SCAMP1: variants seen among roughly 807,000 people sequenced by gnomAD.
SCAMP1 encodes secretory carrier membrane protein 1, also known as secretory carrier-associated membrane protein 1.
A neutral mutation model predicts 41.8 loss-of-function variants in SCAMP1; 15 were observed. The ratio of observed to expected loss-of-function variants is 0.36; its 90% CI spans 0.24 to 0.55. SCAMP1 has a LOEUF of 0.55. SCAMP1 is among the 20% of genes least tolerant of loss of function. The pLI, the probability that SCAMP1 is intolerant of heterozygous loss-of-function variation, is 0.86. For missense variants in SCAMP1, 341 were observed against 412.6 expected, an observed-to-expected ratio of 0.83 and a Z score of 1.50; for synonymous variants, 135 against 136.8, an observed-to-expected ratio of 0.99 and a Z score of 0.09.
At chr5:78,419,590 C>G (rs1038462709) in intron 5 of SCAMP1, among the ~76,000 whole-genome samples, 2 of 152,238 alleles carry the variant, frequency 1.3e-5, no homozygotes, top group Middle Eastern at 3.4e-3. Context: ...TTATTCCAAA[C>G]AGTAGTCTCA....
chr5:78,472,605 A>T (rs915464287), intron 8 of SCAMP1, among the ~76,000 whole-genome samples: 1 of 152,044 alleles, frequency 6.6e-6, no homozygotes, highest in African/African-American at 2.4e-5. Context: ...CATGGATATA[A>T]TGGATTTAAT....
At position 78,421,760 on chromosome 5, in the gene SCAMP1, T is replaced by A. The variant is rs775236094; in HGVS notation, c.473-41T>A. 24 of 1,546,072 alleles carry A rather than the reference T, an allele frequency of 1.6e-5. No individual in the cohort carries two copies. In the South Asian group the frequency reaches 2.7e-4, roughly 18 times the overall value. On this transcript the variant is annotated intron_variant, in intron 5 of 8. Coordinates refer to ENST00000621999, the MANE Select transcript of SCAMP1 (RefSeq NM_004866.6). ...TTGTTGGATGAATTCATAAATTGAA[T>A]GTAAATCTTTCTTTTTCTATTTTGT...
At chr5:78,414,016 A>G (rs1054917160) in intron 2 of SCAMP1, among the ~76,000 whole-genome samples, 2 of 139,782 alleles carry the variant, frequency 1.4e-5, no homozygotes, top group African/African-American at 5.3e-5. Flanking sequence ...TCATGTTCCC[A>G]TCCTTGTTTT....
At chr5:78,390,424 A>G (rs1751455880) in intron 2 of SCAMP1, among the ~76,000 whole-genome samples, 1 of 152,206 alleles carries the variant, frequency 6.6e-6, no homozygotes, top group Non-Finnish European at 1.5e-5. Flanking sequence ...CAATAAGCTG[A>G]CCAGTTTTGA....
At chr5:78,473,561 G>A (rs1313029132) in intron 8 of SCAMP1, among the ~76,000 whole-genome samples, 1 of 152,132 alleles carries the variant, frequency 6.6e-6, no homozygotes, top group Non-Finnish European at 1.5e-5. Context: ...GGGGACAGTT[G>A]AGCCTGTCAT....
At chr5:78,451,228 T>C (rs976622642) in intron 7 of SCAMP1, among the ~76,000 whole-genome samples, 2 of 152,236 alleles carry the variant, frequency 1.3e-5, no homozygotes, top group African/African-American at 4.8e-5. Context: ...TAGACCCTCA[T>C]GTAGTTCAGA....
Position 78,360,715 on chromosome 5 carries a change from A to C in SCAMP1, c.44A>C (p.Asn15Thr). 1 of 1,609,670 alleles carries C rather than the reference A, an allele frequency of 6.2e-7. No individual in the cohort carries two copies. The highest frequency in any genetic ancestry group is 2.2e-5 in the East Asian group (1 of 44,532). Residue 15 changes from asparagine to threonine, a missense_variant, in exon 1 of 9, where the codon AAC (asparagine) becomes ACC (threonine). Physicochemically the swap from Asn to Thr is moderately conservative, Grantham distance 65. Coordinates refer to ENST00000621999, the MANE Select transcript of SCAMP1 (RefSeq NM_004866.6). The part of the protein sequence containing the change: ...DSNPFADPDL[N>T]NPFKDPSVTQ... ...AACCCGTTTGCCGACCCGGATCTCAACAATCCCTTCAAGGTGAGCTTCGGC... is the reference window on the plus strand; with the variant it reads ...AACCCGTTTGCCGACCCGGATCTCACCAATCCCTTCAAGGTGAGCTTCGGC...
At chr5:78,462,196 AGTGTGTGTGTGT>A (rs58331355) in intron 8 of SCAMP1, among the ~76,000 whole-genome samples, 5 of 147,986 alleles carry the variant, frequency 3.4e-5, no homozygotes, top group East Asian at 2.0e-4. Context: ...TGTGTGTAGG[AGTGTGTGTGTGT>A]GTGTGTGTGT....
intron 8 of SCAMP1, among the ~76,000 whole-genome samples, chr5:78,470,108 A>AT (rs977836432): frequency 2.2e-4 from 30 of 139,058 alleles, no homozygotes; most frequent in African/African-American, 6.8e-4. Flanking sequence ...ATACAAAATA[A>AT]TTTAAAAAAA....
chr5:78,445,821 G>A lies in SCAMP1; in HGVS notation c.633-4112G>A, dbSNP rs182499461. 3.4e-3 allele frequency among the ~76,000 whole-genome samples: 513 copies of A among 152,280 alleles called. 4 individuals carry two copies. Among genetic ancestry groups the A allele is most frequent in the African/African-American group, 0.012 (490 of 41,546 alleles). ...TTTGAATTTGACTGATTTTGCATTT[G>A]CAGTAATTTGGACAGCTCAGGTAAA... On this transcript the variant is annotated intron_variant, in intron 6 of 8. Coordinates refer to ENST00000621999, the MANE Select transcript of SCAMP1 (RefSeq NM_004866.6).
chr5:78,435,813 A>G (rs546878127), intron 6 of SCAMP1, among the ~76,000 whole-genome samples: 1 of 152,288 alleles, frequency 6.6e-6, no homozygotes, highest in Admixed American at 6.5e-5. Context: ...TGTCTTCCAC[A>G]ATGGTTGAAC....
At chr5:78,443,956 C>T (rs1554045597) in intron 6 of SCAMP1, among the ~76,000 whole-genome samples, 1 of 152,042 alleles carries the variant, frequency 6.6e-6, no homozygotes, top group African/African-American at 2.4e-5. Context: ...GTGCCCAGCT[C>T]TTAATAGATT....
rs115226062 is a variant in SCAMP1, at chr5:78,388,023, G to T, written c.58-814G>T. Reference sequence around the variant, plus strand: ...CAAGAGATTATGTCCTTTGTCTTCGGCGTTCCTCGGCTGTCCCAGGAACCT... The same window carrying T: ...CAAGAGATTATGTCCTTTGTCTTCGTCGTTCCTCGGCTGTCCCAGGAACCT... On this transcript the variant is annotated intron_variant, in intron 1 of 8. Transcript: ENST00000621999. Among the ~76,000 whole-genome samples the T allele has an allele frequency of 2.6e-3, 390 of 152,312 alleles. 2 individuals carry two copies. Among genetic ancestry groups the T allele is most frequent in the African/African-American group, 8.9e-3 (371 of 41,574 alleles).
At chr5:78,421,459 T>C (rs557507910) in intron 5 of SCAMP1, among the ~76,000 whole-genome samples, 1 of 152,298 alleles carries the variant, frequency 6.6e-6, no homozygotes, top group Non-Finnish European at 1.5e-5. Flanking sequence ...AGACACTGCT[T>C]TTCTTCTTGG....
intron 1 of SCAMP1, among the ~76,000 whole-genome samples, chr5:78,364,735 T>G (rs920330066): frequency 6.6e-6 from 1 of 152,140 alleles, no homozygotes; most frequent in East Asian, 1.9e-4. Flanking sequence ...GATCCTGGCT[T>G]TGACACTAAC....
intron 6 of SCAMP1, among the ~76,000 whole-genome samples, chr5:78,433,187 T>A (rs1415132443): frequency 6.6e-6 from 1 of 152,188 alleles, no homozygotes; most frequent in Non-Finnish European, 1.5e-5. Flanking sequence ...ATTTTAAATT[T>A]TTTGTCTGAT....
chr5:78,375,952 T>C (rs1265417628), intron 1 of SCAMP1, among the ~76,000 whole-genome samples: 1 of 152,222 alleles, frequency 6.6e-6, no homozygotes, highest in Non-Finnish European at 1.5e-5. Context: ...AACTTAATTG[T>C]AATACATTTT....
At chr5:78,450,316 T>TG (rs1286698576) in intron 7 of SCAMP1, among the ~76,000 whole-genome samples, 1 of 151,992 alleles carries the variant, frequency 6.6e-6, no homozygotes, top group East Asian at 1.9e-4. Context: ...GAGACTGAGG[T>TG]GGTCAGAGAG....
intron 6 of SCAMP1, among the ~76,000 whole-genome samples, chr5:78,438,422 C>T (rs1210018834): frequency 6.6e-6 from 1 of 152,154 alleles, no homozygotes; most frequent in East Asian, 1.9e-4. Flanking sequence ...TGTCTTTGTT[C>T]TCATTGGTTT....
Sources: gnomAD v4.1 joint callset for allele counts (sites outside exome capture counted in the v4.1 genomes callset) on GRCh38, gnomAD v4.1.1 for gene constraint, MANE v1.5 for transcripts, NCBI Gene and HGNC (gene_info 2026-07-23, HGNC 2026-07-21) for gene names.